The following ANKRD33B variants were observed in gnomAD, a reference collection of about 807,000 sequenced individuals.
ANKRD33B encodes ankyrin repeat domain 33B.
ANKRD33B carries 6 observed loss-of-function variants against 21.5 expected under a neutral mutation model. The ratio of observed to expected loss-of-function variants is 0.28; its 90% confidence interval spans 0.15 to 0.55. The LOEUF (loss-of-function observed/expected upper bound fraction) is 0.55. Among genes scored for constraint, ANKRD33B ranks in the 20% least tolerant of loss-of-function variants. The probability of loss-of-function intolerance (pLI) is 0.94; values close to 1 mark genes in which losing one functional copy is unlikely to be tolerated. For synonymous variants in ANKRD33B, 347 were observed against 342.4 expected (o/e 1.01, Z -0.15); for missense variants, 698 against 747.2 (o/e 0.93, Z 0.77).
chr5:10,619,992 C>T lies in ANKRD33B; in HGVS notation c.496+1530C>T, dbSNP rs374377661. Among the ~76,000 whole-genome samples, 4 of 152,030 alleles carry T rather than the reference C, an allele frequency of 2.6e-5. No individual in the cohort carries two copies. Among genetic ancestry groups the T allele is most frequent in the East Asian group, 3.9e-4 (2 of 5,188 alleles). On this transcript the variant is annotated intron_variant, in intron 2 of 3. Coordinates refer to ENST00000296657, the MANE Select transcript of ANKRD33B (RefSeq NM_001164440.2). The surrounding 1 kb of genome is among the most constrained non-coding windows in gnomAD (Gnocchi z 4.5). ...GGAGCCGGGCAGTTCTCAGGAATGG[C>T]GAGTCTTAGGGACAGTGTAGGTGGG... is the stretch of plus-strand genomic sequence containing the variant.
chr5:10,649,858 G>T lies in ANKRD33B; in HGVS notation c.1230G>T (p.Gln410His). Residue 410 changes from glutamine (Q) to histidine (H), a missense_variant, in exon 4 of 4, where the codon CAG becomes CAT. By Grantham distance (24) the Gln-to-His change is conservative. Around this residue, in one of 3 missense-constraint regions of ANKRD33B, gnomAD observed 543 missense variants for 566.5 expected, o/e 0.96. Coordinates refer to ENST00000296657, the MANE Select transcript of ANKRD33B (RefSeq NM_001164440.2). ...APRKASLLPLQRLRRRSVRPG... is the reference protein window; with the variant it reads ...APRKASLLPLHRLRRRSVRPG... ...GGAAGGCCAGCCTCCTGCCCCTGCA[G>T]CGCCTGCGGCGGAGAAGCGTGCGGC... 2.8e-6 allele frequency: 4 copies of T among 1,426,710 alleles called. No individual in the cohort carries two copies. Among genetic ancestry groups the T allele is most frequent in the Non-Finnish European group, 3.7e-6 (4 of 1,095,852 alleles). The allele number at this position is 1,426,710 out of a possible 1,614,324, so 88.4% of individuals were successfully genotyped here.
In ANKRD33B at chr5:10,652,072, A is replaced by G. The variant is rs1013725411; in HGVS notation, c.*1959A>G. On this transcript the variant is annotated 3_prime_UTR_variant, in exon 4 of 4. Transcript: ENST00000296657. This position sits in a 1 kb window ranked among gnomAD's most constrained non-coding sequence, Gnocchi z 4.1. ...GTGGAGACTGTAACTGACACTGGTTATCTTTGGGGTTGTCTTTCCTGAATC... is the reference window on the plus strand; with the variant it reads ...GTGGAGACTGTAACTGACACTGGTTGTCTTTGGGGTTGTCTTTCCTGAATC... The G allele has an allele frequency of 6.6e-6, 1 of 152,174 alleles. No individual in the cohort carries two copies. The highest frequency in any genetic ancestry group is 2.1e-4 in the South Asian group (1 of 4,822). 9.4% of individuals were successfully genotyped at this position (152,174 alleles called of 1,614,324 possible). A position where few individuals can be genotyped will look rare whatever the true frequency, so the allele number is the denominator to read the frequency against.
intron 1 of ANKRD33B, among the ~76,000 whole-genome samples, chr5:10,592,982 C>A (rs1042067652): frequency 6.6e-6 from 1 of 152,134 alleles, no homozygotes; most frequent in Non-Finnish European, 1.5e-5. Context: ...TCCATCAATT[C>A]TAGCTGGTAT....
rs758067493 is a variant in ANKRD33B at position 10,649,583 on chromosome 5, G to A, written c.955G>A (p.Ala319Thr). Residue 319 changes from alanine to threonine, a missense_variant, in exon 4 of 4, where the codon GCC (alanine) becomes ACC (threonine). Coordinates refer to ENST00000296657, the MANE Select transcript of ANKRD33B (RefSeq NM_001164440.2). Reference protein sequence around the residue: ...VRMTTSLYSPAVAIVCQTVCP... With the variant: ...VRMTTSLYSPTVAIVCQTVCP... The stretch of plus-strand genomic sequence containing the variant: ...GATGACCACGAGCCTCTACAGCCCC[G>A]CCGTGGCCATCGTGTGCCAGACCGT... 2.4e-5 allele frequency: 37 copies of A among 1,528,358 alleles called. No homozygotes were observed. Among genetic ancestry groups the A allele is most frequent in the African/African-American group, 9.6e-5 (7 of 72,822 alleles). 94.7% of individuals were successfully genotyped at this position (1,528,358 alleles called of 1,614,324 possible). A position where few individuals can be genotyped will look rare whatever the true frequency, so the allele number is the denominator to read the frequency against.
chr5:10,577,733 T>G (rs555820860), intron 1 of ANKRD33B, among the ~76,000 whole-genome samples: 3 of 152,364 alleles, frequency 2.0e-5, no homozygotes, highest in East Asian at 3.9e-4. Flanking sequence ...AGCTCCGCAG[T>G]CAGTTTTGCT....
In ANKRD33B at chr5:10,649,349, C is replaced by A. The variant is rs1355249020; in HGVS notation, c.721C>A (p.Arg241Ser). The change falls in exon 4 of 4, where the codon CGT (arginine) becomes AGT (serine). Residue 241 changes from arginine (R) to serine (S), a missense_variant. This residue lies in a region of ANKRD33B where 543 missense variants were observed against 566.5 expected (regional missense o/e 0.96). Coordinates refer to ENST00000296657, the MANE Select transcript of ANKRD33B (RefSeq NM_001164440.2). The stretch of plus-strand genomic sequence containing the variant: ...TTACACGGGCCGCGTGGATGCCGTC[C>A]GTCTCATGCAGAGGCTGCTGGAGCG... The part of the protein sequence containing the change: ...ATYTGRVDAV[R>S]LMQRLLERPC... 2 of 1,535,266 alleles carry A rather than the reference C, an allele frequency of 1.3e-6. No individual in the cohort carries two copies. Among genetic ancestry groups the A allele is most frequent in the African/African-American group, 1.4e-5 (1 of 73,010 alleles).
chr5:10,617,999 G>A (rs1466989137), intron 1 of ANKRD33B, among the ~76,000 whole-genome samples: 1 of 152,074 alleles, frequency 6.6e-6, no homozygotes, highest in South Asian at 2.1e-4. Context: ...TTACCCCATC[G>A]CCGTCTGCCG....
At chr5:10,639,598 G>A (rs1429937305) in intron 3 of ANKRD33B, among the ~76,000 whole-genome samples, 1 of 55,362 alleles carries the variant, frequency 1.8e-5, no homozygotes, top group Non-Finnish European at 3.4e-5. Flanking sequence ...CGATGTTAGC[G>A]GGTGACGCGG....
At chr5:10,638,006 A>G (rs1337684626) in intron 2 of ANKRD33B, 22 bp from the exon 3 acceptor site, 2 of 1,536,000 alleles carry the variant, frequency 1.3e-6, no homozygotes, top group African/African-American at 2.7e-5. Flanking sequence ...GAACCAATAC[A>G]CGTGTACACT....
chr5:10,613,609 A>G (rs1425840301), intron 1 of ANKRD33B, among the ~76,000 whole-genome samples: 2 of 152,174 alleles, frequency 1.3e-5, no homozygotes, highest in Non-Finnish European at 2.9e-5. Flanking sequence ...TAAGAATTCT[A>G]ACTGCACAGA....
chr5:10,571,573 A>C (rs2936587), intron 1 of ANKRD33B, among the ~76,000 whole-genome samples: 1 of 152,164 alleles, frequency 6.6e-6, no homozygotes, highest in African/African-American at 2.4e-5. Flanking sequence ...TGTGCTTTTC[A>C]TTTCCTAGTC....
intron 1 of ANKRD33B, among the ~76,000 whole-genome samples, chr5:10,602,432 G>A (rs537877720): frequency 1.5e-4 from 23 of 152,364 alleles, no homozygotes; most frequent in African/African-American, 5.5e-4. Context: ...TAGCCAGGTT[G>A]TTAATTCTGC....
Position 10,649,988 on chromosome 5 carries a change from CAGA to C in ANKRD33B, c.1361_1363del (p.Gln454_Ile455delinsLeu), listed in dbSNP as rs1179938939. On this transcript the variant is annotated inframe_deletion, in exon 4 of 4. Transcript: ENST00000296657. ...CAGCACCAAGGACAGCGGCCACCTG[CAGA>C]TCCCCAAGTGGCGGTACAAGGAGGC... 1 of 1,533,484 alleles carries C rather than the reference CAGA, an allele frequency of 6.5e-7. No individual in the cohort carries two copies. Among genetic ancestry groups the C allele is most frequent in the Non-Finnish European group, 8.7e-7 (1 of 1,144,910 alleles). The allele number at this position is 1,533,484 out of a possible 1,614,324, so 95.0% of individuals were successfully genotyped here.
chr5:10,636,894 T>G (rs113380605), intron 2 of ANKRD33B, among the ~76,000 whole-genome samples: 68 of 152,314 alleles, frequency 4.5e-4, no homozygotes, highest in African/African-American at 1.6e-3. Flanking sequence ...TTTGGTGGTG[T>G]CTGGACACAG....
At chr5:10,637,172 C>T (rs1736886893) in intron 2 of ANKRD33B, among the ~76,000 whole-genome samples, 1 of 152,158 alleles carries the variant, frequency 6.6e-6, no homozygotes, top group Admixed American at 6.5e-5. Flanking sequence ...GGATGCTCTC[C>T]CACTCCATTT....
chr5:10,575,030 G>A lies in ANKRD33B; in HGVS notation c.366+10197G>A, dbSNP rs1288321958. ...TGAGCCCAGGAATTCAAGGCTGCAG[G>A]ATGAGCTAGGATGGTGCCACTGCAC... On this transcript the variant is annotated intron_variant, in intron 1 of 3. Coordinates refer to ENST00000296657, the MANE Select transcript of ANKRD33B (RefSeq NM_001164440.2). 2.2e-4 allele frequency among the ~76,000 whole-genome samples: 12 copies of A among 55,444 alleles called. 6 individuals carry two copies. Among genetic ancestry groups the A allele is most frequent in the Admixed American group, 5.6e-4 (2 of 3,588 alleles). The allele number at this position is 55,444 out of a possible 152,430, so 36.4% of individuals were successfully genotyped here.
intron 1 of ANKRD33B, among the ~76,000 whole-genome samples, chr5:10,615,782 A>G (rs1345268800): frequency 2.0e-5 from 3 of 152,264 alleles, no homozygotes; most frequent in East Asian, 1.9e-4. Flanking sequence ...TACTAGAGCA[A>G]TATCTCCATC....
intron 1 of ANKRD33B, among the ~76,000 whole-genome samples, chr5:10,573,668 G>C (rs968753791): frequency 6.6e-6 from 1 of 152,168 alleles, no homozygotes; most frequent in Non-Finnish European, 1.5e-5. Context: ...CAAAGGGGAA[G>C]CAAGGCATGT....
intron 1 of ANKRD33B, among the ~76,000 whole-genome samples, chr5:10,570,522 C>G (rs992184812): frequency 1.3e-5 from 2 of 152,174 alleles, no homozygotes; most frequent in African/African-American, 4.8e-5. Flanking sequence ...GCTGAAGCAT[C>G]ACTTCTGGCT....
Sources: gnomAD v4.1 joint callset for allele counts (sites outside exome capture counted in the v4.1 genomes callset) on GRCh38, gnomAD v4.1.1 for gene constraint, gnomAD v4.1.1 regional missense constraint, Gnocchi (gnomAD v3.1) non-coding constraint, MANE v1.5 for transcripts, NCBI Gene and HGNC (gene_info 2026-07-23, HGNC 2026-07-21) for gene names.